Variants in RNF149 observed in about 807,000 individuals in gnomAD.
RNF149 encodes the protein E3 ubiquitin-protein ligase RNF149.
Under a neutral mutation model 39.0 loss-of-function variants are expected in RNF149, and 21 were observed. That is an observed-to-expected ratio of 0.54 (90% confidence interval 0.38 to 0.77). The LOEUF is 0.77. Ranked by LOEUF, RNF149 falls within the 30% of genes least tolerant of loss-of-function variation. The probability of loss-of-function intolerance (pLI) is 0.00; values close to 1 mark genes in which losing one functional copy is unlikely to be tolerated. For missense variants in RNF149, 493 were observed against 534.9 expected, an observed-to-expected ratio of 0.92 and a Z score of 0.77; for synonymous variants, 209 against 213.6, an observed-to-expected ratio of 0.98 and a Z score of 0.19.
chr2:101,281,782 C>A (rs923163766), intron 6 of RNF149, 77 bp downstream of exon 6: 3 of 1,559,698 alleles, frequency 1.9e-6, no homozygotes, highest in African/African-American at 2.7e-5. Context: ...CCTTAAACTC[C>A]CAAAGCACTG....
intron 1 of RNF149, among the ~76,000 whole-genome samples, chr2:101,298,910 G>T (rs760374039): frequency 2.0e-5 from 3 of 152,314 alleles, no homozygotes; most frequent in South Asian, 4.1e-4. Context: ...AGCACTTTGT[G>T]AGGCCAAGGT....
At chr2:101,277,322 A>G in intron 6 of RNF149, 41 bp from the exon 7 acceptor site, 10 of 1,581,346 alleles carry the variant, frequency 6.3e-6, no homozygotes, top group Non-Finnish European at 8.6e-6. Context: ...AGAAGAGGGC[A>G]GCATATTCCG....
chr2:101,271,249 A>C (rs1682119725), downstream of RNF149: 1 of 152,104 alleles, frequency 6.6e-6, no homozygotes, highest in Non-Finnish European at 1.5e-5. Flanking sequence ...ATTTATTTTA[A>C]ATAGCTTACA....
chr2:101,300,235 T>C (rs1683399600), intron 1 of RNF149, among the ~76,000 whole-genome samples: 1 of 151,992 alleles, frequency 6.6e-6, no homozygotes, highest in African/African-American at 2.4e-5. Flanking sequence ...CACAACAAAA[T>C]ATATTTGGGA....
At chr2:101,278,303 C>A (rs1025344632) in intron 6 of RNF149, among the ~76,000 whole-genome samples, 1 of 152,060 alleles carries the variant, frequency 6.6e-6, no homozygotes, top group East Asian at 1.9e-4. Flanking sequence ...AGTAGGCACA[C>A]GCCACCACGC....
chr2:101,274,244 G>A (rs1392481871), downstream of RNF149, among the ~76,000 whole-genome samples: 2 of 152,014 alleles, frequency 1.3e-5, no homozygotes, highest in Non-Finnish European at 2.9e-5. Context: ...TTGGCATCTT[G>A]GCAGGGCAGA....
At chr2:101,292,307 C>A (rs1359199785) in intron 3 of RNF149, among the ~76,000 whole-genome samples, 3 of 152,100 alleles carry the variant, frequency 2.0e-5, no homozygotes, top group Non-Finnish European at 4.4e-5. Flanking sequence ...TGCAAGGGAT[C>A]CTCTTTTTTT....
intron 2 of RNF149, chr2:101,294,620 G>T: frequency 3.7e-6 from 1 of 267,596 alleles, no homozygotes; most frequent in Non-Finnish European, 7.1e-6. Flanking sequence ...GCTTTACTAC[G>T]GCTCCATGAT....
intron 3 of RNF149, among the ~76,000 whole-genome samples, chr2:101,292,006 C>G (rs1394403680): frequency 6.6e-6 from 1 of 152,178 alleles, no homozygotes; most frequent in Non-Finnish European, 1.5e-5. Flanking sequence ...TTAGCCTGGC[C>G]TACCATAAAC....
At chr2:101,304,247 A>C (rs1683574278) in intron 1 of RNF149, among the ~76,000 whole-genome samples, 1 of 152,086 alleles carries the variant, frequency 6.6e-6, no homozygotes, top group Non-Finnish European at 1.5e-5. Context: ...AAATACAAAA[A>C]TTAGCCAGAC....
At chr2:101,302,071 T>C (rs2104433832) in intron 1 of RNF149, among the ~76,000 whole-genome samples, 1 of 152,370 alleles carries the variant, frequency 6.6e-6, no homozygotes, top group Admixed American at 6.5e-5. Flanking sequence ...GTCAAATCTT[T>C]AAGGTTCAGC....
In RNF149 at chr2:101,288,952, CAATATGTAAAAAG is replaced by C; in HGVS notation, c.863+8_863+20del. On this transcript the variant is annotated splice_region_variant and intron_variant, in intron 4 of 6. Transcript: ENST00000295317. ...ACTTGTCAAGTAATTTTTAACATCT[CAATATGTAAAAAG>C]AACATACTTGCATGGCAGAATTCTA... The C allele has an allele frequency of 8.1e-7, 1 of 1,235,234 alleles. No homozygotes were observed. The allele number at this position is 1,235,234 out of a possible 1,614,324, so 76.5% of individuals were successfully genotyped here.
At chr2:101,305,341 C>G (rs573728851) in intron 1 of RNF149, among the ~76,000 whole-genome samples, 4 of 152,266 alleles carry the variant, frequency 2.6e-5, no homozygotes, top group Admixed American at 1.3e-4. Flanking sequence ...AAAAGTTATA[C>G]CCAATGTGGC....
intron 3 of RNF149, among the ~76,000 whole-genome samples, chr2:101,291,721 GTC>G (rs960458612): frequency 1.3e-5 from 2 of 152,152 alleles, no homozygotes; most frequent in South Asian, 2.1e-4. Context: ...AATTTTTAAA[GTC>G]TCTAATAATG....
intron 1 of RNF149, among the ~76,000 whole-genome samples, chr2:101,307,042 T>C (rs1318571823): frequency 1.3e-5 from 2 of 152,234 alleles, no homozygotes; most frequent in Non-Finnish European, 2.9e-5. Flanking sequence ...TCACTCTCTG[T>C]GTACTGGTCG....
Position 101,286,065 on chromosome 2 carries a change from C to T in RNF149, c.960+16G>A, listed in dbSNP as rs113430267. 6.2e-4 allele frequency: 942 copies of T among 1,507,556 alleles called. 12 individuals are homozygous for T. In the African/African-American group the frequency reaches 0.012, roughly 19 times the overall value. 93.4% of individuals were successfully genotyped at this position (1,507,556 alleles called of 1,614,324 possible). ...AACTGGGGCAGAGATTGAATATAAA[C>T]AAAAATGTAACAAACCCAATATCCT... On this transcript the variant is annotated intron_variant, in intron 5 of 6. Transcript: ENST00000295317.
At chr2:101,274,843 A>G (rs868660722), downstream of RNF149, among the ~76,000 whole-genome samples, 21 of 150,098 alleles carry the variant, frequency 1.4e-4, no homozygotes, top group Middle Eastern at 3.6e-3. Flanking sequence ...CTGGAGTGCA[A>G]TGGCACGATC....
chr2:101,289,099 G>A (rs923214207), intron 3 of RNF149, 44 bp from the exon 4 acceptor site: 6 of 1,124,530 alleles, frequency 5.3e-6, no homozygotes, highest in Non-Finnish European at 8.0e-6. Context: ...TTGGTACACA[G>A]TATATCCCTT....
chr2:101,308,365 C>A lies in RNF149; in HGVS notation c.224G>T (p.Gly75Val). ...GDSSPKEGAHGLVGVPWAPGG... is the reference protein window; with the variant it reads ...GDSSPKEGAHVLVGVPWAPGG... ...GGGCGCCCACGGGACGCCCACCAGG[C>A]CATGCGCGCCCTCCTTGGGCGAGCT... Residue 75 changes from glycine (G) to valine (V), a missense_variant, in exon 1 of 7, where the codon GGC becomes GTC. Gly to Val is a moderately radical substitution (Grantham distance 109). Transcript: ENST00000295317. The A allele has an allele frequency of 6.2e-7, 1 of 1,606,578 alleles. No individual in the cohort carries two copies. The highest frequency in any genetic ancestry group is 8.5e-7 in the Non-Finnish European group (1 of 1,178,088).
Sources: allele counts gnomAD v4.1 joint callset (sites outside exome capture counted in the v4.1 genomes callset), GRCh38; gene constraint gnomAD v4.1.1; transcripts MANE v1.5; gene names NCBI Gene and HGNC (gene_info 2026-07-23, HGNC 2026-07-21).